UTRN: variants seen among roughly 807,000 people sequenced by gnomAD.
UTRN encodes utrophin, also known as dystrophin-related protein 1.
Under a neutral mutation model 463.9 loss-of-function variants are expected in UTRN, and 283 were observed. That is an observed-to-expected ratio of 0.61 (90% CI 0.55 to 0.67). UTRN has a LOEUF of 0.67. Ranked by LOEUF, UTRN falls within the 30% of genes least tolerant of loss-of-function variation. The pLI, the probability that UTRN is intolerant of heterozygous loss-of-function variation, is 0.00. For synonymous variants in UTRN, 1,442 were observed against 1,431.5 expected, an observed-to-expected ratio of 1.01 and a Z score of -0.17; for missense variants, 3,922 against 4,084.3, an observed-to-expected ratio of 0.96 and a Z score of 1.08.
chr6:144,462,930 A>G, intron 23 of UTRN, 64 bp downstream of exon 23: 1 of 1,239,968 alleles, frequency 8.1e-7, no homozygotes, highest in South Asian at 1.4e-5. Flanking sequence ...ATCTTATAAG[A>G]TTCACGTATT....
At chr6:144,410,796 A>ATGTGTGTG (rs112535909) in intron 3 of UTRN, among the ~76,000 whole-genome samples, 2,945 of 141,204 alleles carry the variant, frequency 0.021, 107 homozygotes, top group African/African-American at 0.074. Context: ...TGGTGTGTAT[A>ATGTGTGTG]TGTGTGTGTG....
chr6:144,745,509 A>G (rs1029346265), intron 54 of UTRN, among the ~76,000 whole-genome samples: 6 of 152,178 alleles, frequency 3.9e-5, no homozygotes, highest in African/African-American at 1.4e-4. Context: ...ATTCGTTGAT[A>G]TGTTTCCTTT....
chr6:144,453,167 G>C (rs1443328663), intron 18 of UTRN, among the ~76,000 whole-genome samples: 1 of 152,064 alleles, frequency 6.6e-6, no homozygotes, highest in Non-Finnish European at 1.5e-5. Flanking sequence ...CTGTTGCCCA[G>C]GCTGGAGTGC....
intron 2 of UTRN, among the ~76,000 whole-genome samples, chr6:144,380,311 A>G (rs1045763301): frequency 6.6e-6 from 1 of 152,210 alleles, no homozygotes; most frequent in Non-Finnish European, 1.5e-5. Flanking sequence ...CTATGTAAGG[A>G]AGAAGCAGAC....
intron 2 of UTRN, among the ~76,000 whole-genome samples, chr6:144,326,840 G>A (rs1427688149): frequency 1.3e-5 from 2 of 152,086 alleles, no homozygotes; most frequent in African/African-American, 2.4e-5. Context: ...CTATCCCTGA[G>A]GAATCCCACT....
At chr6:144,544,637 G>A (rs1259575538) in intron 46 of UTRN, among the ~76,000 whole-genome samples, 1 of 151,688 alleles carries the variant, frequency 6.6e-6, no homozygotes, top group African/African-American at 2.4e-5. Context: ...CAGTCCTACC[G>A]TACTTTCTTC....
intron 52 of UTRN, among the ~76,000 whole-genome samples, chr6:144,696,234 C>T (rs527965682): frequency 1.3e-5 from 2 of 151,486 alleles, no homozygotes; most frequent in South Asian, 4.2e-4. Context: ...AATAGAGGAA[C>T]TGCTCTCTTT....
At chr6:144,751,593 A>T (rs990736723) in intron 55 of UTRN, among the ~76,000 whole-genome samples, 2 of 151,670 alleles carry the variant, frequency 1.3e-5, no homozygotes, top group Non-Finnish European at 2.9e-5. Context: ...TCAGCTCTCC[A>T]TATATATATG....
intron 63 of UTRN, among the ~76,000 whole-genome samples, chr6:144,797,184 A>G (rs948762517): frequency 1.4e-5 from 2 of 140,986 alleles, no homozygotes; most frequent in Admixed American, 7.8e-5. Flanking sequence ...ACTGTCTTAG[A>G]TGAAATTTTT....
At chr6:144,734,091 T>C (rs1187045773) in intron 54 of UTRN, among the ~76,000 whole-genome samples, 1 of 152,164 alleles carries the variant, frequency 6.6e-6, no homozygotes, top group Non-Finnish European at 1.5e-5. Flanking sequence ...TTTTATGAGC[T>C]AGATGCTTAA....
intron 11 of UTRN, 75 bp downstream of exon 11, chr6:144,437,821 T>C (rs1201120841): frequency 2.1e-6 from 3 of 1,434,518 alleles, no homozygotes; most frequent in Non-Finnish European, 2.8e-6. Flanking sequence ...GATGTCTGCA[T>C]GTCTGTGAAA....
At chr6:144,785,067 A>C (rs1776186550) in intron 61 of UTRN, among the ~76,000 whole-genome samples, 1 of 151,940 alleles carries the variant, frequency 6.6e-6, no homozygotes, top group African/African-American at 2.4e-5. Context: ...TTATTAATCT[A>C]AATAATAGTT....
At chr6:144,439,074 A>G (rs1160763277) in intron 12 of UTRN, among the ~76,000 whole-genome samples, 179 bp downstream of exon 12, 5 of 152,190 alleles carry the variant, frequency 3.3e-5, no homozygotes, top group African/African-American at 1.2e-4. Context: ...AGCCAGGGAT[A>G]AAAGGGCACG....
chr6:144,497,177 T>C (rs534582218), intron 33 of UTRN, among the ~76,000 whole-genome samples: 13 of 152,266 alleles, frequency 8.5e-5, no homozygotes, highest in South Asian at 4.1e-4. Context: ...GTGAGGAGAC[T>C]GGTTTCGAAG....
chr6:144,472,039 C>T (rs570241338), intron 23 of UTRN, among the ~76,000 whole-genome samples: 2 of 152,230 alleles, frequency 1.3e-5, no homozygotes, highest in East Asian at 1.9e-4. Flanking sequence ...GGATTTTTAC[C>T]CTTGATCTCA....
rs572862806 is a variant in UTRN, at chr6:144,621,767, A to G, written c.7479+44479A>G. Among the ~76,000 whole-genome samples the G allele has an allele frequency of 1.8e-4, 27 of 152,284 alleles. No individual in the cohort carries two copies. The South Asian group carries it at 5.6e-3, about 32-fold the overall frequency. On this transcript the variant is annotated intron_variant, in intron 51 of 74. Transcript: ENST00000367545. ...TATGAGACCCCCAGTATAAGAGTGTAATAACTATCTGATTCATTTGCTAGT... is the reference window on the plus strand; with the variant it reads ...TATGAGACCCCCAGTATAAGAGTGTGATAACTATCTGATTCATTTGCTAGT...
At chr6:144,301,955 C>T (rs927638359) in intron 2 of UTRN, among the ~76,000 whole-genome samples, 1 of 152,118 alleles carries the variant, frequency 6.6e-6, no homozygotes, top group Non-Finnish European at 1.5e-5. Context: ...TGTGACTTCG[C>T]TTGTTTTGTG....
chr6:144,516,660 TAA>T (rs11315151), intron 38 of UTRN, 149 bp from the exon 39 acceptor site: 1 of 647,698 alleles, frequency 1.5e-6, no homozygotes, highest in Non-Finnish European at 2.3e-6. Context: ...AAAATATATT[TAA>T]AAAAAACATA....
chr6:144,723,868 G>GGCATGGCCAT (rs1787500300), intron 53 of UTRN, among the ~76,000 whole-genome samples: 1 of 151,608 alleles, frequency 6.6e-6, no homozygotes, highest in African/African-American at 2.4e-5. Flanking sequence ...AAATTGGCCA[G>GGCATGGCCAT]GCATGGTGGT....
Sources: allele counts gnomAD v4.1 joint callset (sites outside exome capture counted in the v4.1 genomes callset), GRCh38; gene constraint gnomAD v4.1.1; transcripts MANE v1.5; gene names NCBI Gene and HGNC (gene_info 2026-07-23, HGNC 2026-07-21).